The following MTUS2 variants were observed in gnomAD, a reference collection of about 807,000 sequenced individuals.
MTUS2 encodes the protein microtubule associated scaffold protein 2, also known as microtubule-associated tumor suppressor candidate 2.
MTUS2 carries 40 observed loss-of-function variants against 114.1 expected under a neutral mutation model. That is an observed-to-expected ratio of 0.35 (90% CI 0.27 to 0.46). The LOEUF (loss-of-function observed/expected upper bound fraction) is 0.46, where lower values mean the gene tolerates loss of function less well. Ranked by LOEUF, MTUS2 falls within the 20% of genes least tolerant of loss-of-function variation. The pLI, the probability that MTUS2 is intolerant of heterozygous loss-of-function variation, is 1.00. For missense variants in MTUS2, 1,679 were observed against 1,705.4 expected (o/e 0.98, Z 0.27); for synonymous variants, 688 against 672.0 (o/e 1.02, Z -0.37).
chr13:29,081,471 A>G (rs959110398), intron 4 of MTUS2, among the ~76,000 whole-genome samples: 1 of 152,088 alleles, frequency 6.6e-6, no homozygotes, highest in African/African-American at 2.4e-5. Flanking sequence ...AAGGAAGACA[A>G]ACATTCCATT....
At chr13:29,165,149 C>A (rs1043990769) in intron 5 of MTUS2, among the ~76,000 whole-genome samples, 4 of 152,166 alleles carry the variant, frequency 2.6e-5, no homozygotes, top group Non-Finnish European at 5.9e-5. Context: ...TCACTCTCTT[C>A]ACTGAAATGG....
intron 4 of MTUS2, among the ~76,000 whole-genome samples, chr13:29,036,679 A>C (rs778719541): frequency 5.3e-5 from 8 of 152,178 alleles, no homozygotes; most frequent in African/African-American, 4.8e-5. Flanking sequence ...TGCTTTATGA[A>C]TCTGGGTGCT....
intron 5 of MTUS2, among the ~76,000 whole-genome samples, chr13:29,273,280 T>C (rs1897943584): frequency 6.6e-6 from 1 of 152,192 alleles, no homozygotes; most frequent in African/African-American, 2.4e-5. Flanking sequence ...TTTGCTTTAA[T>C]GAATGGGATG....
chr13:29,366,119 A>G (rs1870691585), intron 8 of MTUS2, among the ~76,000 whole-genome samples: 1 of 152,186 alleles, frequency 6.6e-6, no homozygotes, highest in Non-Finnish European at 1.5e-5. Context: ...GGGTTGTTCT[A>G]TTAGTCCGTT....
At chr13:28,849,768 C>T (rs994872034) in intron 2 of MTUS2, among the ~76,000 whole-genome samples, 2 of 152,146 alleles carry the variant, frequency 1.3e-5, no homozygotes, top group Non-Finnish European at 2.9e-5. Flanking sequence ...TGCTGCCTCT[C>T]TCTCATTGCC....
intron 12 of MTUS2, among the ~76,000 whole-genome samples, chr13:29,494,677 G>T (rs1012043075): frequency 2.0e-5 from 3 of 151,954 alleles, no homozygotes; most frequent in Non-Finnish European, 4.4e-5. Context: ...CCCCACCTGC[G>T]GCGTACTGCA....
At chr13:28,837,361 C>T (rs755948661) in intron 1 of MTUS2, among the ~76,000 whole-genome samples, 1 of 152,178 alleles carries the variant, frequency 6.6e-6, no homozygotes, top group Admixed American at 6.5e-5. Context: ...CTGGGCCATT[C>T]GGTAACATCA....
At chr13:29,304,211 A>C (rs559229408) in intron 6 of MTUS2, among the ~76,000 whole-genome samples, 1 of 152,332 alleles carries the variant, frequency 6.6e-6, no homozygotes, top group South Asian at 2.1e-4. Flanking sequence ...CAGGGACACT[A>C]TGAAGCAACC....
intron 7 of MTUS2, among the ~76,000 whole-genome samples, chr13:29,335,095 G>A (rs112322666): frequency 6.6e-6 from 1 of 152,180 alleles, no homozygotes; most frequent in Non-Finnish European, 1.5e-5. Context: ...GCGGAACAGA[G>A]CCATATTTCT....
intron 8 of MTUS2, among the ~76,000 whole-genome samples, chr13:29,387,854 A>C (rs921812330): frequency 2.6e-5 from 4 of 152,158 alleles, no homozygotes; most frequent in African/African-American, 9.7e-5. Flanking sequence ...AAGTCCCGTG[A>C]AAGGCAGTCA....
intron 1 of MTUS2, among the ~76,000 whole-genome samples, chr13:28,828,934 A>G (rs1475975934): frequency 2.0e-5 from 3 of 152,238 alleles, no homozygotes; most frequent in Non-Finnish European, 4.4e-5. Context: ...GATTTTTTAC[A>G]TTAATTTTGA....
At chr13:29,227,069 C>T (rs1352268984) in intron 5 of MTUS2, among the ~76,000 whole-genome samples, 3 of 151,906 alleles carry the variant, frequency 2.0e-5, no homozygotes, top group African/African-American at 7.3e-5. Context: ...ACCAGCCTGC[C>T]CAACATGGCG....
At chr13:28,990,941 T>G (rs1884820378) in intron 2 of MTUS2, among the ~76,000 whole-genome samples, 1 of 151,774 alleles carries the variant, frequency 6.6e-6, no homozygotes, top group Non-Finnish European at 1.5e-5. Context: ...GCGCCACCTT[T>G]AAGAGCTGTA....
intron 6 of MTUS2, among the ~76,000 whole-genome samples, chr13:29,312,708 T>G (rs1277825367): frequency 6.6e-6 from 1 of 152,230 alleles, no homozygotes; most frequent in East Asian, 1.9e-4. Flanking sequence ...CACTAGTTAC[T>G]TATTCACATG....
intron 4 of MTUS2, among the ~76,000 whole-genome samples, chr13:29,063,158 AC>A (rs1888501576): frequency 6.6e-6 from 1 of 152,190 alleles, no homozygotes; most frequent in African/African-American, 2.4e-5. Flanking sequence ...AAAAGGCAGT[AC>A]TTTTCTACAC....
At chr13:28,915,784 A>C (rs1404093800) in intron 2 of MTUS2, among the ~76,000 whole-genome samples, 1 of 151,774 alleles carries the variant, frequency 6.6e-6, no homozygotes. Context: ...TTTGCTGTAC[A>C]GAAGCTTTTT....
chr13:29,232,828 C>G (rs1896386656), intron 5 of MTUS2, among the ~76,000 whole-genome samples: 1 of 152,190 alleles, frequency 6.6e-6, no homozygotes, highest in African/African-American at 2.4e-5. Context: ...GGAGCATTAG[C>G]TATTCCAGGA....
At chr13:29,358,200 G>A (rs554835432) in intron 7 of MTUS2, among the ~76,000 whole-genome samples, 5 of 152,272 alleles carry the variant, frequency 3.3e-5, no homozygotes, top group African/African-American at 1.2e-4. Flanking sequence ...TTCTCCGACC[G>A]CCTGCACATC....
intron 4 of MTUS2, among the ~76,000 whole-genome samples, chr13:29,076,517 T>A (rs1052616355): frequency 6.6e-6 from 1 of 152,196 alleles, no homozygotes; most frequent in Non-Finnish European, 1.5e-5. Flanking sequence ...ATCTGAAGGC[T>A]TGATGGAGGA....
Sources: allele counts gnomAD v4.1 joint callset (sites outside exome capture counted in the v4.1 genomes callset), GRCh38; gene constraint gnomAD v4.1.1; transcripts MANE v1.5; gene names NCBI Gene and HGNC (gene_info 2026-07-23, HGNC 2026-07-21).